The following PLEKHG1 variants were observed in gnomAD, a reference collection of about 807,000 sequenced individuals.
PLEKHG1 encodes pleckstrin homology domain-containing family G member 1.
PLEKHG1 carries 44 observed loss-of-function variants against 100.8 expected under a neutral mutation model. The ratio of observed to expected loss-of-function variants is 0.44; its 90% CI spans 0.34 to 0.56. The LOEUF (loss-of-function observed/expected upper bound fraction) is 0.56, where lower values mean the gene tolerates loss of function less well. Among genes scored for constraint, PLEKHG1 ranks in the 20% least tolerant of loss-of-function variants. The pLI, the probability that PLEKHG1 is intolerant of heterozygous loss-of-function variation, is 0.01. For synonymous variants in PLEKHG1, 640 were observed against 662.5 expected (o/e 0.97, Z 0.52); for missense variants, 1,545 against 1,720.9 (o/e 0.90, Z 1.81).
At chr6:150,819,111 T>C (rs187476576) in intron 11 of PLEKHG1, among the ~76,000 whole-genome samples, 1,958 of 147,894 alleles carry the variant, frequency 0.013, 39 homozygotes, top group African/African-American at 0.047. Flanking sequence ...AGAAATTGCC[T>C]TCGGATTTTT....
exon 15 of PLEKHG1, chr6:150,830,868 G>A: frequency 6.2e-7 from 1 of 1,614,174 alleles, no homozygotes; most frequent in Middle Eastern, 1.6e-4. Context: ...AGTCGCCCTT[G>A]CAGCTGGCAT....
Position 150,742,303 on chromosome 6 carries a change from C to T in PLEKHG1, c.411+8211C>T, listed in dbSNP as rs533366962. On this transcript the variant is annotated intron_variant, in intron 2 of 15. Coordinates refer to ENST00000358517, the Ensembl canonical transcript of PLEKHG1. ...AACGTGGTGGCCAGGTGCAGTGGCT[C>T]ACGCCTGGAATCCAGCACTCGGGGA... is the stretch of plus-strand genomic sequence containing the variant. Among the ~76,000 whole-genome samples the T allele has an allele frequency of 1.3e-3, 201 of 152,202 alleles. 1 individual carries two copies. Among genetic ancestry groups the T allele is most frequent in the African/African-American group, 4.7e-3 (196 of 41,528 alleles).
intron 7 of PLEKHG1, among the ~76,000 whole-genome samples, chr6:150,806,223 CTTTTTTTTTT>C (rs58040509): frequency 3.3e-5 from 3 of 89,764 alleles, no homozygotes; most frequent in South Asian, 4.4e-4. Flanking sequence ...TTCCAGGCTG[CTTTTTTTTTT>C]TTTTTTTTTT....
chr6:150,782,170 C>A (rs1455124812), intron 3 of PLEKHG1, among the ~76,000 whole-genome samples: 1 of 152,020 alleles, frequency 6.6e-6, no homozygotes, highest in African/African-American at 2.4e-5. Context: ...GTAATCCCAG[C>A]ACTTTGGGAG....
At position 150,609,803 on chromosome 6, in the gene PLEKHG1, T is replaced by C. The variant is rs144488130; in HGVS notation, c.-204+9786T>C. Among the ~76,000 whole-genome samples the C allele has an allele frequency of 3.3e-3, 501 of 152,194 alleles. 3 individuals are homozygous for C. Among genetic ancestry groups the C allele is most frequent in the African/African-American group, 0.012 (483 of 41,528 alleles). On this transcript the variant is annotated intron_variant, in intron 1 of 3. Transcript: ENST00000367326. ...AGCAGAGGAGGTGGTGAAAAATGCATTGGTTCAGAACTGGCATGTCGGCCA... is the reference window on the plus strand; with the variant it reads ...AGCAGAGGAGGTGGTGAAAAATGCACTGGTTCAGAACTGGCATGTCGGCCA...
At chr6:150,827,923 T>G (rs1199087624) in intron 14 of PLEKHG1, 13 of 1,597,838 alleles carry the variant, frequency 8.1e-6, no homozygotes, top group Non-Finnish European at 1.0e-5. Context: ...GCAACTAAAC[T>G]GAAGAATAAA....
chr6:150,806,431 T>A (rs1383354603), intron 7 of PLEKHG1, among the ~76,000 whole-genome samples: 1 of 152,048 alleles, frequency 6.6e-6, no homozygotes, highest in Non-Finnish European at 1.5e-5. Context: ...ATGCCTGTAA[T>A]CCCTACACTT....
chr6:150,819,671 C>G lies in PLEKHG1; in HGVS notation c.1313-8C>G. On this transcript the variant is annotated splice_region_variant and splice_polypyrimidine_tract_variant and intron_variant, in intron 11 of 15. Transcript: ENST00000358517. ...CAGTCCCACTGATGCACGTGGTTAT[C>G]TTTACAGATCATCCAGGCTTCTGTT... is the stretch of plus-strand genomic sequence containing the variant. 1 of 1,580,508 alleles carries G rather than the reference C, an allele frequency of 6.3e-7. No individual in the cohort carries two copies.
chr6:150,622,764 A>G (rs1777354775), intron 1 of PLEKHG1, among the ~76,000 whole-genome samples: 1 of 152,220 alleles, frequency 6.6e-6, no homozygotes, highest in South Asian at 2.1e-4. Context: ...GTGTTTTGCC[A>G]CTGCAGGAGA....
chr6:150,707,357 G>C (rs1781064564), intron 3 of PLEKHG1, among the ~76,000 whole-genome samples: 1 of 152,098 alleles, frequency 6.6e-6, no homozygotes, highest in Admixed American at 6.5e-5. Context: ...GTTCTTATCA[G>C]ATCATATAGT....
intron 3 of PLEKHG1, among the ~76,000 whole-genome samples, chr6:150,713,559 G>C (rs907772280): frequency 3.9e-5 from 6 of 152,164 alleles, no homozygotes; most frequent in African/African-American, 1.2e-4. Context: ...CCTTAGGAGT[G>C]GGGGAAGAAG....
chr6:150,665,178 A>G (rs937572808), intron 3 of PLEKHG1, among the ~76,000 whole-genome samples: 3 of 152,160 alleles, frequency 2.0e-5, no homozygotes, highest in African/African-American at 7.2e-5. Flanking sequence ...ATGATTTAGA[A>G]CACAATCTGT....
intron 3 of PLEKHG1, among the ~76,000 whole-genome samples, chr6:150,707,194 G>T (rs1167568137): frequency 1.3e-5 from 2 of 151,078 alleles, no homozygotes; most frequent in African/African-American, 2.4e-5. Flanking sequence ...TAGTAGAGAC[G>T]GGTTTTGCCA....
At chr6:150,802,663 C>CA (rs1786778674) in intron 6 of PLEKHG1, among the ~76,000 whole-genome samples, 1 of 73,576 alleles carries the variant, frequency 1.4e-5, no homozygotes. Flanking sequence ...TCATTCACAT[C>CA]ATTTTTTTTT....
chr6:150,789,546 G>A (rs527238442), intron 4 of PLEKHG1, among the ~76,000 whole-genome samples: 2 of 152,284 alleles, frequency 1.3e-5, no homozygotes, highest in African/African-American at 2.4e-5. Context: ...AAATTCAATC[G>A]TGCAGAAGTC....
intron 3 of PLEKHG1, among the ~76,000 whole-genome samples, chr6:150,679,134 AGAG>A (rs1205671899): frequency 6.6e-6 from 1 of 152,254 alleles, no homozygotes; most frequent in Non-Finnish European, 1.5e-5. Context: ...GCTTTGATAT[AGAG>A]GAGAAAATAA....
chr6:150,721,279 C>A, intron 1 of PLEKHG1: 1 of 583,644 alleles, frequency 1.7e-6, no homozygotes, highest in Non-Finnish European at 2.2e-6. Context: ...CCAGAGAGGT[C>A]CACCGAGGTG....
chr6:150,781,373 C>T (rs1187294755), intron 3 of PLEKHG1, among the ~76,000 whole-genome samples: 5 of 151,458 alleles, frequency 3.3e-5, no homozygotes, highest in South Asian at 2.1e-4. Flanking sequence ...GACGTGGTGG[C>T]ACATGCCTGT....
At chr6:150,761,844 G>A (rs1309234484) in intron 2 of PLEKHG1, among the ~76,000 whole-genome samples, 5 of 151,864 alleles carry the variant, frequency 3.3e-5, no homozygotes, top group Admixed American at 2.0e-4. Flanking sequence ...CTTTTTCTGG[G>A]AAGAGCTGCC....
Sources: gnomAD v4.1 joint callset for allele counts (sites outside exome capture counted in the v4.1 genomes callset) on GRCh38, gnomAD v4.1.1 for gene constraint, MANE v1.5 for transcripts, NCBI Gene and HGNC (gene_info 2026-07-23, HGNC 2026-07-21) for gene names.